The following BBX variants were observed in gnomAD, a reference collection of about 807,000 sequenced individuals.
The protein encoded by BBX is BBX high mobility group box domain containing.
In BBX, 30 loss-of-function variants were observed where a neutral mutation model predicts 100.2. The observed-to-expected ratio is 0.30, with a 90% CI of 0.22 to 0.41. The LOEUF is 0.41. Ranked by LOEUF, BBX falls within the 10% of genes least tolerant of loss-of-function variation. The probability of loss-of-function intolerance (pLI) is 1.00; values close to 1 mark genes in which losing one functional copy is unlikely to be tolerated. For synonymous variants in BBX, 376 were observed against 388.1 expected, an observed-to-expected ratio of 0.97 and a Z score of 0.37; for missense variants, 1,023 against 1,129.8, an observed-to-expected ratio of 0.91 and a Z score of 1.35.
At chr3:107,678,432 A>G (rs1002456520) in intron 3 of BBX, among the ~76,000 whole-genome samples, 5 of 152,114 alleles carry the variant, frequency 3.3e-5, no homozygotes, top group Admixed American at 6.6e-5. Flanking sequence ...GTTAGAAGTT[A>G]TTATGGGCCT....
intron 9 of BBX, among the ~76,000 whole-genome samples, chr3:107,754,549 G>T (rs1000448972): frequency 6.6e-6 from 1 of 152,014 alleles, no homozygotes; most frequent in Non-Finnish European, 1.5e-5. Flanking sequence ...TTCTACAAAG[G>T]CCTGTTATTC....
intron 2 of BBX, among the ~76,000 whole-genome samples, chr3:107,628,851 T>C (rs902252120): frequency 1.3e-5 from 2 of 152,170 alleles, no homozygotes; most frequent in Admixed American, 6.5e-5. Flanking sequence ...GGTGAGAGAT[T>C]AGAAACTCCA....
chr3:107,807,842 A>G lies in BBX; in HGVS notation c.*2385A>G, dbSNP rs1293115039. On this transcript the variant is annotated 3_prime_UTR_variant, in exon 18 of 18. Transcript: ENST00000325805. ...GGGGTGGGAGGGCAACTTACTGGAG[A>G]TGACTGTTTTCAGATACTTTAAAAC... The G allele has an allele frequency of 6.6e-6, 1 of 152,034 alleles. No individual in the cohort carries two copies. The highest frequency in any genetic ancestry group is 1.5e-5 in the Non-Finnish European group (1 of 68,008). The allele number at this position is 152,034 out of a possible 1,614,324, so 9.4% of individuals were successfully genotyped here. A position where few individuals can be genotyped will look rare whatever the true frequency, so the allele number is the denominator to read the frequency against.
chr3:107,584,062 ATC>A (rs576305377), intron 2 of BBX, among the ~76,000 whole-genome samples: 280 of 17,752 alleles, frequency 0.016, 13 homozygotes, highest in Non-Finnish European at 0.028. Context: ...TATTATATAT[ATC>A]ATATATTATA....
intron 14 of BBX, 58 bp downstream of exon 14, chr3:107,789,934 C>A: frequency 7.4e-7 from 1 of 1,343,638 alleles, no homozygotes; most frequent in Non-Finnish European, 1.0e-6. Context: ...TGTGATTCAT[C>A]TTTGAGTAAT....
rs931754014 is a variant in BBX, at chr3:107,698,361, C to T, written c.-9-12091C>T. On this transcript the variant is annotated intron_variant, in intron 3 of 17. Transcript: ENST00000325805. ...AAAATGTATGATTGCTCTTAAAATTCAAAGAGCTAGGCCAGATGCGGTGGT... is the reference window on the plus strand; with the variant it reads ...AAAATGTATGATTGCTCTTAAAATTTAAAGAGCTAGGCCAGATGCGGTGGT... Among the ~76,000 whole-genome samples, 13 of 151,312 alleles carry T rather than the reference C, an allele frequency of 8.6e-5. 1 individual carries two copies. Among genetic ancestry groups the T allele is most frequent in the African/African-American group, 7.3e-5 (3 of 40,908 alleles).
chr3:107,683,928 A>G (rs2059704459), intron 3 of BBX, among the ~76,000 whole-genome samples: 3 of 152,266 alleles, frequency 2.0e-5, no homozygotes, highest in South Asian at 4.1e-4. Flanking sequence ...GAAAGATTCT[A>G]TTGTGGTAAT....
intron 8 of BBX, among the ~76,000 whole-genome samples, chr3:107,745,105 CT>C (rs2064463311): frequency 6.6e-6 from 1 of 151,798 alleles, no homozygotes; most frequent in African/African-American, 2.4e-5. Flanking sequence ...TTTTTCTTTT[CT>C]TTTTTTAGTG....
At chr3:107,624,813 G>A (rs1194046528) in intron 2 of BBX, among the ~76,000 whole-genome samples, 3 of 152,206 alleles carry the variant, frequency 2.0e-5, no homozygotes, top group Non-Finnish European at 2.9e-5. Context: ...AGGTTGCAGT[G>A]AGCTGAGATC....
intron 3 of BBX, among the ~76,000 whole-genome samples, chr3:107,659,393 T>G (rs1489307570): frequency 6.6e-6 from 1 of 151,908 alleles, no homozygotes; most frequent in Non-Finnish European, 1.5e-5. Context: ...TTAACTAGAG[T>G]TCAATATTTA....
chr3:107,632,218 C>T lies in BBX; in HGVS notation c.-83-13618C>T, dbSNP rs150050682. The stretch of plus-strand genomic sequence containing the variant: ...CAGCCTACCCGAGTAGCTGGGACTA[C>T]AGGCATGCACCACCATGCCCAGCTA... On this transcript the variant is annotated intron_variant, in intron 2 of 17. Transcript: ENST00000325805. 2.4e-3 allele frequency among the ~76,000 whole-genome samples: 358 copies of T among 152,158 alleles called. 3 individuals carry two copies. Among genetic ancestry groups the T allele is most frequent in the African/African-American group, 8.4e-3 (347 of 41,516 alleles).
chr3:107,704,632 C>A (rs1364284268), intron 3 of BBX, among the ~76,000 whole-genome samples: 2 of 152,140 alleles, frequency 1.3e-5, no homozygotes, highest in South Asian at 2.1e-4. Context: ...ATAACAAACC[C>A]ACTCTGGTGA....
intron 3 of BBX, among the ~76,000 whole-genome samples, chr3:107,709,553 AT>A (rs1193223212): frequency 6.6e-6 from 1 of 152,158 alleles, no homozygotes; most frequent in East Asian, 1.9e-4. Flanking sequence ...ATTTAATTGT[AT>A]TGTTTGAGTT....
chr3:107,660,279 C>T (rs2058376825), intron 3 of BBX, among the ~76,000 whole-genome samples: 1 of 151,766 alleles, frequency 6.6e-6, no homozygotes, highest in Non-Finnish European at 1.5e-5. Context: ...AAATAAATTG[C>T]ATAAAGATGT....
intron 2 of BBX, among the ~76,000 whole-genome samples, chr3:107,631,571 CTAAT>C (rs749414348): frequency 1.1e-4 from 16 of 151,474 alleles, no homozygotes; most frequent in Non-Finnish European, 1.9e-4. Flanking sequence ...AAATAAAAAT[CTAAT>C]TAACTTCAGA....
At chr3:107,789,282 T>G (rs2068741913) in intron 13 of BBX, among the ~76,000 whole-genome samples, 1 of 152,228 alleles carries the variant, frequency 6.6e-6, no homozygotes. Flanking sequence ...ATATTTTCTC[T>G]TTTTAAGTCA....
intron 3 of BBX, among the ~76,000 whole-genome samples, chr3:107,669,892 C>T (rs932282958): frequency 2.6e-5 from 4 of 152,072 alleles, no homozygotes; most frequent in Non-Finnish European, 4.4e-5. Context: ...AGTCGCCAAG[C>T]CTTTTAACAC....
intron 3 of BBX, chr3:107,684,600 C>A (rs752811154): frequency 1.3e-5 from 2 of 152,142 alleles, no homozygotes; most frequent in Non-Finnish European, 2.9e-5. Context: ...GCAGCCACTT[C>A]TAGCCTGGCA....
intron 3 of BBX, among the ~76,000 whole-genome samples, chr3:107,679,587 G>T (rs1396468552): frequency 6.6e-6 from 1 of 152,168 alleles, no homozygotes; most frequent in Non-Finnish European, 1.5e-5. Flanking sequence ...TGTGTGGCTA[G>T]CAACATTGAA....
Sources: gnomAD v4.1 joint callset for allele counts (sites outside exome capture counted in the v4.1 genomes callset) on GRCh38, gnomAD v4.1.1 for gene constraint, MANE v1.5 for transcripts, NCBI Gene and HGNC (gene_info 2026-07-23, HGNC 2026-07-21) for gene names.